ABI1: variants seen among roughly 807,000 people sequenced by gnomAD.
ABI1 encodes Abelson interactor 1.
ABI1 carries 14 observed loss-of-function variants against 54.6 expected under a neutral mutation model. That is an observed-to-expected ratio of 0.26 (90% confidence interval 0.17 to 0.40). ABI1 has a LOEUF of 0.40. ABI1 is among the 10% of genes least tolerant of loss of function. The pLI is 1.00. For missense variants in ABI1, 443 were observed against 598.3 expected, an observed-to-expected ratio of 0.74 and a Z score of 2.71; for synonymous variants, 194 against 209.3, an observed-to-expected ratio of 0.93 and a Z score of 0.63.
At chr10:26,751,448 C>T (rs1837620809) in intron 10 of ABI1, 150 bp downstream of exon 10, 4 of 719,810 alleles carry the variant, frequency 5.6e-6, no homozygotes, top group Non-Finnish European at 6.4e-6. Context: ...GGGAATAATA[C>T]AAAACTTAGG....
intron 4 of ABI1, 81 bp downstream of exon 4, chr10:26,770,994 G>C: frequency 7.0e-7 from 1 of 1,430,448 alleles, no homozygotes; most frequent in South Asian, 1.2e-5. Flanking sequence ...CATAAGAAGA[G>C]TTTTCAAATT....
intron 2 of ABI1, among the ~76,000 whole-genome samples, chr10:26,788,806 G>A (rs1419998207): frequency 2.0e-5 from 3 of 151,706 alleles, no homozygotes; most frequent in East Asian, 1.9e-4. Flanking sequence ...CCAGCTACTC[G>A]GGAGGCTGAG....
intron 2 of ABI1, among the ~76,000 whole-genome samples, chr10:26,785,511 C>A (rs1842634683): frequency 6.6e-6 from 1 of 152,104 alleles, no homozygotes; most frequent in African/African-American, 2.4e-5. Context: ...CACCTGAGGT[C>A]AGGAGTTAGA....
In ABI1 at chr10:26,753,599, C is replaced by G. The variant is rs1837908417; in HGVS notation, c.1085-1816G>C. Among the ~76,000 whole-genome samples, 3 of 152,282 alleles carry G rather than the reference C, an allele frequency of 2.0e-5. No individual in the cohort carries two copies. In the South Asian group the frequency reaches 6.2e-4, roughly 32 times the overall value. ...TGCTGACTTTTTTAGAGGCTCATAT[C>G]TTAAACTGAAATACTTATTAATAGG... On this transcript the variant is annotated intron_variant, in intron 9 of 10. Coordinates refer to ENST00000376140, the MANE Select transcript of ABI1 (RefSeq NM_001012750.3).
In ABI1 at chr10:26,747,092, G is replaced by GTCTT. The variant is rs1837022387; in HGVS notation, c.*1474_*1477dup. On this transcript the variant is annotated 3_prime_UTR_variant, in exon 11 of 11. Coordinates refer to ENST00000376140, the MANE Select transcript of ABI1 (RefSeq NM_001012750.3). Reference sequence around the variant, plus strand: ...TCACATTGATTTGGTAGCAATAATGGTCTTTAATTTTCAGAAATAACTGTT... The same window carrying GTCTT: ...TCACATTGATTTGGTAGCAATAATGGTCTTTCTTTAATTTTCAGAAATAACTGTT... The GTCTT allele has an allele frequency of 4.4e-6, 1 of 226,994 alleles. No homozygotes were observed. The highest frequency in any genetic ancestry group is 8.8e-6 in the Non-Finnish European group (1 of 114,222). 14.1% of individuals were successfully genotyped at this position (226,994 alleles called of 1,614,324 possible). A position where few individuals can be genotyped will look rare whatever the true frequency, so the allele number is the denominator to read the frequency against.
At chr10:26,813,060 T>G (rs537512430) in intron 2 of ABI1, among the ~76,000 whole-genome samples, 1 of 151,922 alleles carries the variant, frequency 6.6e-6, no homozygotes, top group South Asian at 2.1e-4. Flanking sequence ...ACCAGCCTGG[T>G]CAACATGGTG....
In ABI1 at chr10:26,748,279, T is replaced by C; in HGVS notation, c.*291A>G. On this transcript the variant is annotated 3_prime_UTR_variant, in exon 11 of 11. Transcript: ENST00000376140. ...ACAATCTGAATCATGATTCGTTAAA[T>C]ATTATACCCCACTTCCCCCAGAATA... 1 of 286,068 alleles carries C rather than the reference T, an allele frequency of 3.5e-6. No homozygotes were observed. Among genetic ancestry groups the C allele is most frequent in the Non-Finnish European group, 6.6e-6 (1 of 151,254 alleles). 17.7% of individuals were successfully genotyped at this position (286,068 alleles called of 1,614,324 possible). A position where few individuals can be genotyped will look rare whatever the true frequency, so the allele number is the denominator to read the frequency against.
chr10:26,755,320 A>C (rs2132469559), intron 9 of ABI1, among the ~76,000 whole-genome samples: 1 of 152,302 alleles, frequency 6.6e-6, no homozygotes, highest in Admixed American at 6.5e-5. Flanking sequence ...ATGTCTTCTA[A>C]TTCTAGTAAC....
At chr10:26,789,351 AT>A (rs1208664038) in intron 2 of ABI1, among the ~76,000 whole-genome samples, 1 of 152,248 alleles carries the variant, frequency 6.6e-6, no homozygotes, top group African/African-American at 2.4e-5. Context: ...AACCAAAAAA[AT>A]GAACATGTAC....
At chr10:26,798,419 G>A (rs1844466455) in intron 2 of ABI1, among the ~76,000 whole-genome samples, 1 of 152,010 alleles carries the variant, frequency 6.6e-6, no homozygotes, top group South Asian at 2.1e-4. Flanking sequence ...CTGGCCATTG[G>A]TGACTTAAAG....
At chr10:26,793,187 G>C (rs1843693888) in intron 2 of ABI1, among the ~76,000 whole-genome samples, 1 of 152,184 alleles carries the variant, frequency 6.6e-6, no homozygotes, top group Admixed American at 6.5e-5. Context: ...ATAGAGAAAG[G>C]AGAGGGGTAT....
rs566834812 is a variant in ABI1, at chr10:26,770,474, T to C, written c.478-129A>G. The C allele has an allele frequency of 3.3e-5, 32 of 961,150 alleles. No homozygotes were observed. The East Asian group carries it at 7.2e-4, about 22-fold the overall frequency. 59.5% of individuals were successfully genotyped at this position (961,150 alleles called of 1,614,324 possible). ...TTCCCAGACAGTTTGAATAAAGACT[T>C]TGGTACTACAGTTTAAAAAGTCAAG... On this transcript the variant is annotated intron_variant, in intron 4 of 10. Transcript: ENST00000376140.
intron 2 of ABI1, among the ~76,000 whole-genome samples, chr10:26,809,219 G>A (rs555460708): frequency 2.0e-5 from 3 of 150,416 alleles, no homozygotes; most frequent in East Asian, 2.0e-4. Flanking sequence ...GCAGTGAGCC[G>A]AGATTGTGCC....
At chr10:26,806,200 C>T (rs942430447) in intron 2 of ABI1, among the ~76,000 whole-genome samples, 4 of 152,168 alleles carry the variant, frequency 2.6e-5, no homozygotes, top group African/African-American at 9.7e-5. Flanking sequence ...TCTGCTTGCA[C>T]TGCAGAAGCT....
chr10:26,748,811 A>G (rs891962286), intron 10 of ABI1, 66 bp from the exon 11 acceptor site: 8 of 1,178,440 alleles, frequency 6.8e-6, no homozygotes, highest in Admixed American at 4.6e-5. Context: ...GAATTTTAAG[A>G]CAAAGACAAT....
At chr10:26,770,491 A>G in intron 4 of ABI1, 146 bp from the exon 5 acceptor site, 1 of 860,310 alleles carries the variant, frequency 1.2e-6, no homozygotes. Context: ...TACAGTTTAA[A>G]AAGTCAAGGA....
intron 2 of ABI1, among the ~76,000 whole-genome samples, chr10:26,795,693 AG>A (rs1227442181): frequency 6.6e-6 from 1 of 152,180 alleles, no homozygotes; most frequent in African/African-American, 2.4e-5. Context: ...TTAACCGAGA[AG>A]GTTAAAGATT....
chr10:26,824,756 A>G (rs145062873), intron 1 of ABI1, among the ~76,000 whole-genome samples: 8 of 152,318 alleles, frequency 5.3e-5, no homozygotes, highest in African/African-American at 1.9e-4. Context: ...AATAGGATAG[A>G]GAAAACATGG....
At chr10:26,826,213 G>A (rs374212995) in intron 1 of ABI1, among the ~76,000 whole-genome samples, 1 of 152,156 alleles carries the variant, frequency 6.6e-6, no homozygotes, top group Non-Finnish European at 1.5e-5. Flanking sequence ...ACTCTATGGG[G>A]CTGCAAAATA....
Sources: allele counts gnomAD v4.1 joint callset (sites outside exome capture counted in the v4.1 genomes callset), GRCh38; gene constraint gnomAD v4.1.1; transcripts MANE v1.5; gene names NCBI Gene and HGNC (gene_info 2026-07-23, HGNC 2026-07-21).